The following ADGRB3 variants were observed in gnomAD, a reference collection of about 807,000 sequenced individuals.
ADGRB3 encodes brain-specific angiogenesis inhibitor 3.
A neutral mutation model predicts 193.4 loss-of-function variants in ADGRB3; 37 were observed. That is an observed-to-expected ratio of 0.19 (90% confidence interval 0.15 to 0.25). ADGRB3 has a LOEUF of 0.25. ADGRB3 is among the 10% of genes least tolerant of loss of function. The pLI is 1.00. For synonymous variants in ADGRB3, 690 were observed against 644.2 expected (o/e 1.07, Z -1.08); for missense variants, 1,637 against 1,852.9 (o/e 0.88, Z 2.14).
At chr6:68,861,163 C>G (rs907842811) in intron 3 of ADGRB3, among the ~76,000 whole-genome samples, 1 of 152,164 alleles carries the variant, frequency 6.6e-6, no homozygotes, top group Non-Finnish European at 1.5e-5. Context: ...GAAATAAACC[C>G]TATTATCCTC....
rs573948254 is a variant in ADGRB3, at chr6:69,047,224, A to G, written c.2108-961A>G. Among the ~76,000 whole-genome samples the G allele has an allele frequency of 7.0e-4, 106 of 152,316 alleles. 1 individual carries two copies. Among genetic ancestry groups the G allele is most frequent in the African/African-American group, 2.4e-3 (101 of 41,572 alleles). On this transcript the variant is annotated intron_variant, in intron 13 of 31. Transcript: ENST00000370598. ...ACAATTGTCTGCATCATGTTTCCAT[A>G]TAAGTTCTCCAAGGGACACTTGAAA...
At chr6:69,209,144 A>C (rs1179594111) in intron 17 of ADGRB3, among the ~76,000 whole-genome samples, 2 of 152,220 alleles carry the variant, frequency 1.3e-5, no homozygotes, top group Non-Finnish European at 2.9e-5. Flanking sequence ...ACCAAGTGGC[A>C]GAGGAGTTTG....
intron 3 of ADGRB3, among the ~76,000 whole-genome samples, chr6:68,899,332 G>C (rs906516147): frequency 6.6e-6 from 1 of 151,776 alleles, no homozygotes; most frequent in Non-Finnish European, 1.5e-5. Flanking sequence ...GGGTACATGT[G>C]CACATTGTGC....
chr6:69,117,339 G>C (rs1281026797), intron 17 of ADGRB3, among the ~76,000 whole-genome samples: 2 of 152,122 alleles, frequency 1.3e-5, no homozygotes, highest in Non-Finnish European at 2.9e-5. Context: ...CTCAACAGTA[G>C]GTGGATTGAA....
At chr6:68,690,742 A>T (rs2127301790) in intron 3 of ADGRB3, among the ~76,000 whole-genome samples, 1 of 152,270 alleles carries the variant, frequency 6.6e-6, no homozygotes, top group African/African-American at 2.4e-5. Context: ...ATAAGGATTA[A>T]GTACAATTAT....
intron 26 of ADGRB3, among the ~76,000 whole-genome samples, chr6:69,350,237 G>T (rs1467842483): frequency 1.3e-5 from 2 of 151,962 alleles, no homozygotes; most frequent in African/African-American, 4.8e-5. Flanking sequence ...TTCTTTTCAG[G>T]AGACAACCTT....
intron 11 of ADGRB3, among the ~76,000 whole-genome samples, chr6:68,998,702 A>G (rs1299854880): frequency 1.3e-5 from 2 of 152,246 alleles, no homozygotes; most frequent in Non-Finnish European, 2.9e-5. Context: ...ATAGATCAGT[A>G]AAAAGAGAAA....
rs536568912 is a variant in ADGRB3, at chr6:68,849,026, A to T, written c.758-81533A>T. Among the ~76,000 whole-genome samples the T allele has an allele frequency of 6.6e-5, 10 of 152,088 alleles. No homozygotes were observed. The South Asian group carries it at 1.9e-3, about 28-fold the overall frequency. On this transcript the variant is annotated intron_variant, in intron 3 of 31. Coordinates refer to ENST00000370598, the MANE Select transcript of ADGRB3 (RefSeq NM_001704.3). ...AAAAGAGTACATATAAGATTGATTA[A>T]TTTTTTAGGAAAGGTTAAATGCTCA...
intron 3 of ADGRB3, among the ~76,000 whole-genome samples, chr6:68,842,252 A>C (rs2127387772): frequency 6.6e-6 from 1 of 152,104 alleles, no homozygotes; most frequent in East Asian, 1.9e-4. Flanking sequence ...TTCTTTGAAA[A>C]GATAAATAAA....
chr6:68,753,449 C>A (rs1368282936), intron 3 of ADGRB3, among the ~76,000 whole-genome samples: 1 of 152,164 alleles, frequency 6.6e-6, no homozygotes, highest in Non-Finnish European at 1.5e-5. Context: ...GAATTAGTCT[C>A]TCTGGCAAAG....
At chr6:69,292,182 C>A (rs1483981695) in intron 20 of ADGRB3, among the ~76,000 whole-genome samples, 1 of 152,180 alleles carries the variant, frequency 6.6e-6, no homozygotes, top group Non-Finnish European at 1.5e-5. Flanking sequence ...TTAAATACAT[C>A]TGTATGCTTT....
intron 3 of ADGRB3, among the ~76,000 whole-genome samples, chr6:68,671,906 T>A (rs1429329826): frequency 6.6e-6 from 1 of 152,076 alleles, no homozygotes; most frequent in Admixed American, 6.6e-5. Flanking sequence ...GGATTTTCTT[T>A]ACTGGGAGAT....
At chr6:69,217,919 A>C (rs1301630974) in intron 17 of ADGRB3, among the ~76,000 whole-genome samples, 1 of 152,070 alleles carries the variant, frequency 6.6e-6, no homozygotes, top group Non-Finnish European at 1.5e-5. Flanking sequence ...AAAAAAACTA[A>C]ATGAGTATGA....
At chr6:69,206,264 C>T (rs909324679) in intron 17 of ADGRB3, among the ~76,000 whole-genome samples, 2 of 151,738 alleles carry the variant, frequency 1.3e-5, no homozygotes, top group African/African-American at 4.8e-5. Flanking sequence ...TCTCTTTTCT[C>T]ATTTTTCTGC....
intron 3 of ADGRB3, among the ~76,000 whole-genome samples, chr6:68,641,542 A>G (rs1370193873): frequency 3.9e-5 from 6 of 152,196 alleles, no homozygotes; most frequent in Admixed American, 6.5e-5. Flanking sequence ...TGAACTAGAA[A>G]AAGTTTGTAT....
intron 10 of ADGRB3, among the ~76,000 whole-genome samples, chr6:68,982,507 C>G (rs1200763000): frequency 6.6e-6 from 1 of 152,154 alleles, no homozygotes; most frequent in Non-Finnish European, 1.5e-5. Flanking sequence ...GAGGGAGATT[C>G]AGCTCAGCCT....
chr6:68,723,376 A>G (rs1310529352), intron 3 of ADGRB3, among the ~76,000 whole-genome samples: 1 of 151,656 alleles, frequency 6.6e-6, no homozygotes, highest in Admixed American at 6.6e-5. Flanking sequence ...GAGACAATTG[A>G]CCTCTTTAAG....
chr6:69,260,313 T>C (rs1435002892), intron 20 of ADGRB3, among the ~76,000 whole-genome samples: 2 of 152,212 alleles, frequency 1.3e-5, no homozygotes, highest in Non-Finnish European at 2.9e-5. Context: ...TATAGGGTCC[T>C]ACCTTCCAGA....
At chr6:68,933,210 T>G (rs923902467) in intron 4 of ADGRB3, among the ~76,000 whole-genome samples, 3 of 152,100 alleles carry the variant, frequency 2.0e-5, no homozygotes, top group Non-Finnish European at 4.4e-5. Flanking sequence ...TCAATTAATT[T>G]ATAAACATGT....
Sources: gnomAD v4.1 joint callset for allele counts (sites outside exome capture counted in the v4.1 genomes callset) on GRCh38, gnomAD v4.1.1 for gene constraint, MANE v1.5 for transcripts, NCBI Gene and HGNC (gene_info 2026-07-23, HGNC 2026-07-21) for gene names.